The following KLF5 variants were observed in gnomAD, a reference collection of about 807,000 sequenced individuals.
KLF5 encodes KLF transcription factor 5.
KLF5 carries 9 observed loss-of-function variants against 36.9 expected under a neutral mutation model. The observed-to-expected ratio is 0.24, with a 90% CI of 0.15 to 0.43. The LOEUF is 0.43. Ranked by LOEUF, KLF5 falls within the 20% of genes least tolerant of loss-of-function variation. The probability of loss-of-function intolerance (pLI) is 1.00; values close to 1 mark genes in which losing one functional copy is unlikely to be tolerated. For missense variants in KLF5, 524 were observed against 599.5 expected (o/e 0.87, Z 1.31); for synonymous variants, 246 against 241.7 (o/e 1.02, Z -0.17).
upstream of KLF5, among the ~76,000 whole-genome samples, chr13:73,056,234 G>A (rs1385964311): frequency 3.3e-5 from 5 of 152,080 alleles, no homozygotes; most frequent in Non-Finnish European, 7.4e-5. Flanking sequence ...CTGCTTCTAT[G>A]CTTACCCTCC....
chr13:73,070,218 G>A (rs1023594059), intron 3 of KLF5, among the ~76,000 whole-genome samples: 2 of 152,140 alleles, frequency 1.3e-5, no homozygotes, highest in African/African-American at 4.8e-5. Flanking sequence ...GCTACTTTAT[G>A]AAAAGGTAAA....
intron 1 of KLF5, 163 bp downstream of exon 1, chr13:73,059,751 C>T: frequency 1.4e-6 from 1 of 733,342 alleles, no homozygotes; most frequent in African/African-American, 1.9e-5. Context: ...CTGGCCGGGG[C>T]CCCGCGTTTC....
chr13:73,061,909 C>A lies in KLF5; in HGVS notation c.310C>A (p.Pro104Thr). The A allele has an allele frequency of 1.2e-6, 2 of 1,613,920 alleles. No individual in the cohort carries two copies. The highest frequency in any genetic ancestry group is 1.7e-6 in the Non-Finnish European group (2 of 1,179,836). Residue 104 changes from proline (P) to threonine (T), a missense_variant, in exon 2 of 4, where the codon CCT (proline) becomes ACT (threonine). Pro to Thr is a conservative substitution (Grantham distance 38). Coordinates refer to ENST00000377687, the MANE Select transcript of KLF5 (RefSeq NM_001730.5). Reference sequence around the variant, plus strand: ...TCTGACACCTCAGCTTCCTCCAGTTCCTATAATTCCAGAGCATAAAAAGTA... The same window carrying A: ...TCTGACACCTCAGCTTCCTCCAGTTACTATAATTCCAGAGCATAAAAAGTA... ...KYLTPQLPPV[P>T]IIPEHKKYRR...
At chr13:73,056,854 G>A (rs773577693), upstream of KLF5, among the ~76,000 whole-genome samples, 7 of 151,842 alleles carry the variant, frequency 4.6e-5, no homozygotes, top group Non-Finnish European at 8.8e-5. Context: ...GAACCCCAAC[G>A]CTAGCTTCAT....
chr13:73,059,004 T>C (rs2044605326), upstream of KLF5: 4 of 226,606 alleles, frequency 1.8e-5, no homozygotes, highest in Non-Finnish European at 2.6e-5. Context: ...CAAGTGTCAG[T>C]AGTCGCGGGG....
chr13:73,066,979 C>T (rs545885695), intron 3 of KLF5, among the ~76,000 whole-genome samples: 2 of 152,134 alleles, frequency 1.3e-5, no homozygotes, highest in South Asian at 4.1e-4. Flanking sequence ...AGAAGCACCC[C>T]TTATAGATGT....
rs2044608416 is a variant in KLF5, at chr13:73,059,192, G to A, written c.-136G>A. ...TCGTGCGCGCCTTCGAAAACTGCCT[G>A]CCGCTGTCTGAGGAGTCCACCCGAA... On this transcript the variant is annotated 5_prime_UTR_variant, in exon 1 of 4. Transcript: ENST00000377687. The A allele has an allele frequency of 1.3e-6, 1 of 789,780 alleles. No individual in the cohort carries two copies. Among genetic ancestry groups the A allele is most frequent in the Non-Finnish European group, 1.7e-6 (1 of 581,068 alleles). 48.9% of individuals were successfully genotyped at this position (789,780 alleles called of 1,614,324 possible). A position where few individuals can be genotyped will look rare whatever the true frequency, so the allele number is the denominator to read the frequency against.
chr13:73,076,528 T>A lies in KLF5; in HGVS notation c.*642T>A, dbSNP rs2044762809. 6.6e-6 allele frequency: 1 copy of A among 152,624 alleles called. No individual in the cohort carries two copies. Among genetic ancestry groups the A allele is most frequent in the South Asian group, 2.1e-4 (1 of 4,830 alleles). 9.5% of individuals were successfully genotyped at this position (152,624 alleles called of 1,614,324 possible). On this transcript the variant is annotated 3_prime_UTR_variant, in exon 4 of 4. Coordinates refer to ENST00000377687, the MANE Select transcript of KLF5 (RefSeq NM_001730.5). Reference sequence around the variant, plus strand: ...TAATTCTTTTGAAAATAACCATGAATACACTTACAGTTAGGATTTGTGGTA... The same window carrying A: ...TAATTCTTTTGAAAATAACCATGAAAACACTTACAGTTAGGATTTGTGGTA...
In KLF5 at chr13:73,062,450, G is replaced by A; in HGVS notation, c.851G>A (p.Cys284Tyr). The change falls in exon 2 of 4, where the codon TGC becomes TAC. Residue 284 changes from cysteine (C) to tyrosine (Y), a missense_variant. Coordinates refer to ENST00000377687, the MANE Select transcript of KLF5 (RefSeq NM_001730.5). ...AVKQFQGMPP[C>Y]TYTMPSQFLP... ...AAACAATTCCAGGGCATGCCCCCTTGCACATACACAATGCCAAGTCAGTTT... is the reference window on the plus strand; with the variant it reads ...AAACAATTCCAGGGCATGCCCCCTTACACATACACAATGCCAAGTCAGTTT... 6.2e-7 allele frequency: 1 copy of A among 1,614,116 alleles called. No individual in the cohort carries two copies. Among genetic ancestry groups the A allele is most frequent in the Non-Finnish European group, 8.5e-7 (1 of 1,180,024 alleles).
intron 3 of KLF5, among the ~76,000 whole-genome samples, chr13:73,066,124 T>A (rs2044678108): frequency 6.6e-6 from 1 of 152,226 alleles, no homozygotes; most frequent in East Asian, 1.9e-4. Context: ...GTCTTTCAAA[T>A]GCCTTGGGGA....
intron 3 of KLF5, among the ~76,000 whole-genome samples, chr13:73,070,798 CAA>C (rs1003440734): frequency 7.9e-5 from 12 of 152,120 alleles, no homozygotes; most frequent in Admixed American, 2.6e-4. Flanking sequence ...TCAGAATGGA[CAA>C]TAACTCATTC....
intron 3 of KLF5, among the ~76,000 whole-genome samples, chr13:73,070,559 A>G (rs1269209055): frequency 2.6e-5 from 4 of 152,244 alleles, no homozygotes; most frequent in Non-Finnish European, 5.9e-5. Context: ...TTAGGAGCCC[A>G]GAGATTCCAA....
Position 73,059,344 on chromosome 13 carries a change from T to C in KLF5, c.17T>C (p.Leu6Pro). The C allele has an allele frequency of 1.4e-6, 2 of 1,413,416 alleles. No individual in the cohort carries two copies. The highest frequency in any genetic ancestry group is 1.4e-5 in the South Asian group (1 of 69,376). The allele number at this position is 1,413,416 out of a possible 1,614,324, so 87.6% of individuals were successfully genotyped here. MATRV[L>P]SMSARLGPVP... Reference sequence around the variant, plus strand: ...CGAGTGCCCATGGCTACAAGGGTGCTGAGCATGAGCGCCCGCCTGGGACCC... The same window carrying C: ...CGAGTGCCCATGGCTACAAGGGTGCCGAGCATGAGCGCCCGCCTGGGACCC... Residue 6 changes from leucine to proline, a missense_variant, in exon 1 of 4, where the codon CTG becomes CCG. Physicochemically the swap from Leu to Pro is moderately conservative, Grantham distance 98 (BLOSUM62 -3). This residue lies in a region of KLF5 where 454 missense variants were observed against 458.1 expected (regional missense o/e 0.99). Coordinates refer to ENST00000377687, the MANE Select transcript of KLF5 (RefSeq NM_001730.5).
intron 3 of KLF5, among the ~76,000 whole-genome samples, chr13:73,072,292 A>G (rs896922337): frequency 6.6e-5 from 10 of 152,188 alleles, no homozygotes; most frequent in African/African-American, 1.9e-4. Flanking sequence ...AACATGTTCC[A>G]CTAACCCACT....
intron 3 of KLF5, among the ~76,000 whole-genome samples, chr13:73,066,279 G>A (rs1025888938): frequency 3.3e-5 from 5 of 150,328 alleles, no homozygotes; most frequent in African/African-American, 1.2e-4. Context: ...CACCCTGCCC[G>A]CCTGTTGTTT....
intron 3 of KLF5, among the ~76,000 whole-genome samples, chr13:73,067,045 G>A (rs547810150): frequency 2.0e-4 from 30 of 152,246 alleles, no homozygotes; most frequent in African/African-American, 7.0e-4. Flanking sequence ...TCATGCCTTT[G>A]GTGAGAAATA....
At position 73,059,498 on chromosome 13, in the gene KLF5, C is replaced by T. The variant is rs1337250672; in HGVS notation, c.171C>T (p.Arg57=). 1.6e-6 allele frequency: 2 copies of T among 1,228,858 alleles called. No homozygotes were observed. Among genetic ancestry groups the T allele is most frequent in the Non-Finnish European group, 2.0e-6 (2 of 988,154 alleles). 76.1% of individuals were successfully genotyped at this position (1,228,858 alleles called of 1,614,324 possible). The change falls in exon 1 of 4, where the codon CGC becomes CGT. Residue 57 remains arginine (R), a synonymous_variant. Transcript: ENST00000377687. The stretch of plus-strand genomic sequence containing the variant: ...AGGAGCTGAAGCACGCGCACCACCG[C>T]CCGCAGGCGCAGCCCGCGCCCGCGC... ...PGEELKHAHH[R]PQAQPAPAQA...
Position 73,062,168 on chromosome 13 carries a change from C to G in KLF5, c.569C>G (p.Thr190Ser), listed in dbSNP as rs1188300164. ...PAPTQALPEF[T>S]SIFSSHQTAA... is the part of the protein sequence containing the mutation. ...CCGACCCAGGCCCTCCCTGAGTTCA[C>G]CAGTATATTCAGCTCACACCAGACC... The change falls in exon 2 of 4, where the codon ACC (threonine) becomes AGC (serine). Residue 190 changes from threonine to serine, a missense_variant. Thr to Ser is a moderately conservative substitution (Grantham distance 58). Transcript: ENST00000377687. 7 of 1,614,000 alleles carry G rather than the reference C, an allele frequency of 4.3e-6. No individual in the cohort carries two copies. Among genetic ancestry groups the G allele is most frequent in the Non-Finnish European group, 5.9e-6 (7 of 1,180,010 alleles).
At position 73,062,351 on chromosome 13, in the gene KLF5, C is replaced by T. The variant is rs765076676; in HGVS notation, c.752C>T (p.Thr251Ile). The change falls in exon 2 of 4, where the codon ACT becomes ATT. Residue 251 changes from threonine (T) to isoleucine (I), a missense_variant. This residue lies in a region of KLF5 where 454 missense variants were observed against 458.1 expected (regional missense o/e 0.99). Coordinates refer to ENST00000377687, the MANE Select transcript of KLF5 (RefSeq NM_001730.5). ...ACAAATCAGACAGCAGCAATGGACA[C>T]TCTTAATGTTTCTATGTCAGCTGCC... ...SSTNQTAAMDTLNVSMSAAMA... is the reference protein window; with the variant it reads ...SSTNQTAAMDILNVSMSAAMA... 4 of 1,614,206 alleles carry T rather than the reference C, an allele frequency of 2.5e-6. No homozygotes were observed. In the South Asian group the frequency reaches 3.3e-5, roughly 13 times the overall value.
Sources: allele counts gnomAD v4.1 joint callset (sites outside exome capture counted in the v4.1 genomes callset), GRCh38; gene constraint gnomAD v4.1.1; regional missense constraint gnomAD v4.1.1; transcripts MANE v1.5; gene names NCBI Gene and HGNC (gene_info 2026-07-23, HGNC 2026-07-21).